LRRIQ3: variants seen among roughly 807,000 people sequenced by gnomAD.
The protein encoded by LRRIQ3 is leucine rich repeats and IQ motif containing 3.
Under a neutral mutation model 59.3 loss-of-function variants are expected in LRRIQ3, and 75 were observed. The observed-to-expected ratio is 1.26, with a 90% CI of 1.05 to 1.53. The LOEUF (loss-of-function observed/expected upper bound fraction) is 1.53, where lower values mean the gene tolerates loss of function less well. LRRIQ3 is among the 40% of genes most tolerant of loss of function. The probability of loss-of-function intolerance (pLI) is 0.00; values close to 1 mark genes in which losing one functional copy is unlikely to be tolerated. For synonymous variants in LRRIQ3, 250 were observed against 231.3 expected, an observed-to-expected ratio of 1.08 and a Z score of -0.73; for missense variants, 831 against 710.0, an observed-to-expected ratio of 1.17 and a Z score of -1.94.
chr1:74,165,518 T>C (rs575418601), intron 3 of LRRIQ3, among the ~76,000 whole-genome samples: 3 of 151,736 alleles, frequency 2.0e-5, no homozygotes, highest in Admixed American at 2.0e-4. Context: ...ACATAGGTGA[T>C]CATTTGATCT....
chr1:74,028,768 A>C (rs1653598660), intron 7 of LRRIQ3, among the ~76,000 whole-genome samples: 1 of 151,958 alleles, frequency 6.6e-6, no homozygotes, highest in Non-Finnish European at 1.5e-5. Context: ...GTAGGAAGTA[A>C]ATAAACTAAC....
At chr1:74,062,837 G>C (rs1054929336) in intron 6 of LRRIQ3, among the ~76,000 whole-genome samples, 3 of 151,994 alleles carry the variant, frequency 2.0e-5, no homozygotes, top group South Asian at 4.1e-4. Flanking sequence ...ACTTGAAGGT[G>C]GTGGGTGTGA....
intron 1 of LRRIQ3, among the ~76,000 whole-genome samples, chr1:74,185,527 T>C (rs1650306054): frequency 6.6e-6 from 1 of 152,218 alleles, no homozygotes; most frequent in East Asian, 1.9e-4. Flanking sequence ...GAGTACTTTG[T>C]ATTACTTCAG....
chr1:74,135,582 C>G (rs1456827752), intron 4 of LRRIQ3, among the ~76,000 whole-genome samples: 1 of 151,656 alleles, frequency 6.6e-6, no homozygotes, highest in Non-Finnish European at 1.5e-5. Flanking sequence ...AAGAAATCAA[C>G]AACAGAAGAA....
intron 5 of LRRIQ3, among the ~76,000 whole-genome samples, chr1:74,092,690 G>T (rs911753832): frequency 1.1e-4 from 16 of 151,986 alleles, no homozygotes; most frequent in Admixed American, 2.6e-4. Context: ...ATAAGAGATG[G>T]AAATAGAATA....
chr1:74,034,800 G>A (rs1653820288), intron 7 of LRRIQ3, among the ~76,000 whole-genome samples: 1 of 113,032 alleles, frequency 8.8e-6, no homozygotes, highest in Admixed American at 8.9e-5. Flanking sequence ...AAAGGCAAAT[G>A]CTTTTTTTTA....
At chr1:74,048,683 A>AT (rs11349176) in intron 6 of LRRIQ3, among the ~76,000 whole-genome samples, 3 of 151,836 alleles carry the variant, frequency 2.0e-5, no homozygotes, top group Non-Finnish European at 2.9e-5. Flanking sequence ...TTTTATGTAA[A>AT]TTTTTTTTCC....
intron 3 of LRRIQ3, among the ~76,000 whole-genome samples, chr1:74,156,140 G>A (rs1208296444): frequency 6.6e-6 from 1 of 152,044 alleles, no homozygotes; most frequent in Non-Finnish European, 1.5e-5. Flanking sequence ...TCCCTTTGAT[G>A]ATGAGTGAAC....
At chr1:74,099,023 A>C (rs542009917) in intron 5 of LRRIQ3, among the ~76,000 whole-genome samples, 16 of 152,294 alleles carry the variant, frequency 1.1e-4, no homozygotes, top group African/African-American at 3.8e-4. Context: ...ACACATTCAA[A>C]AGCTAGCAGA....
chr1:74,123,718 CTT>C (rs1195440422), intron 4 of LRRIQ3, among the ~76,000 whole-genome samples: 1 of 151,932 alleles, frequency 6.6e-6, no homozygotes, highest in African/African-American at 2.4e-5. Flanking sequence ...TTGATGGACA[CTT>C]AGGTTACTTT....
At chr1:74,075,837 A>C (rs990524637) in intron 5 of LRRIQ3, among the ~76,000 whole-genome samples, 14 of 152,146 alleles carry the variant, frequency 9.2e-5, no homozygotes, top group African/African-American at 3.4e-4. Flanking sequence ...TACTATCCTC[A>C]AACTTTTCAC....
intron 3 of LRRIQ3, among the ~76,000 whole-genome samples, chr1:74,161,353 C>G (rs574525180): frequency 6.6e-6 from 1 of 151,836 alleles, no homozygotes; most frequent in Non-Finnish European, 1.5e-5. Context: ...TCATCGTATC[C>G]GACAAAAAGT....
chr1:74,045,557 A>C (rs1224431681), intron 6 of LRRIQ3, among the ~76,000 whole-genome samples: 2 of 152,130 alleles, frequency 1.3e-5, no homozygotes, highest in African/African-American at 4.8e-5. Context: ...GCACAAGACA[A>C]GCTTGCCCTC....
intron 6 of LRRIQ3, among the ~76,000 whole-genome samples, chr1:74,047,274 G>T (rs778635195): frequency 4.6e-5 from 7 of 152,098 alleles, no homozygotes; most frequent in Non-Finnish European, 1.0e-4. Flanking sequence ...AAAAAAGGAT[G>T]AGTTCATATT....
At position 74,155,718 on chromosome 1, in the gene LRRIQ3, G is replaced by GA; in HGVS notation, c.707+14dup. 6.4e-7 allele frequency: 1 copy of GA among 1,554,478 alleles called. No individual in the cohort carries two copies. ...CTTATTTCAATATTCAAATGGTAAAGAAAACAAAACATACCTCAAATTTTT... is the reference window on the plus strand; with the variant it reads ...CTTATTTCAATATTCAAATGGTAAAGAAAAACAAAACATACCTCAAATTTTT... On this transcript the variant is annotated intron_variant, in intron 4 of 7. Coordinates refer to ENST00000354431, the MANE Select transcript of LRRIQ3 (RefSeq NM_001105659.2).
chr1:74,078,945 C>A (rs1479646160), intron 5 of LRRIQ3, among the ~76,000 whole-genome samples: 3 of 151,858 alleles, frequency 2.0e-5, no homozygotes, highest in Admixed American at 2.0e-4. Context: ...TCTTCTGAAA[C>A]CTTATGCCTA....
At chr1:74,130,225 C>T (rs1167831062) in intron 4 of LRRIQ3, among the ~76,000 whole-genome samples, 1 of 152,028 alleles carries the variant, frequency 6.6e-6, no homozygotes, top group East Asian at 1.9e-4. Context: ...TGTAGGCCTC[C>T]CCAGAGCACT....
intron 5 of LRRIQ3, among the ~76,000 whole-genome samples, chr1:74,108,239 A>G (rs1326321456): frequency 6.6e-6 from 1 of 151,818 alleles, no homozygotes; most frequent in Non-Finnish European, 1.5e-5. Context: ...ACTCTGTATA[A>G]AGTATGTAAA....
In LRRIQ3 at chr1:74,112,238, T is replaced by C. The variant is rs78628039; in HGVS notation, c.708-2685A>G. 1.1e-3 allele frequency among the ~76,000 whole-genome samples: 160 copies of C among 152,224 alleles called. 3 individuals carry two copies. The East Asian group carries it at 0.023, about 22-fold the overall frequency. ...AGGATAAATGTAGCCTATATGAACATAGAACCTGAAGTGCTCTCCTCATCC... is the reference window on the plus strand; with the variant it reads ...AGGATAAATGTAGCCTATATGAACACAGAACCTGAAGTGCTCTCCTCATCC... On this transcript the variant is annotated intron_variant, in intron 4 of 7. Transcript: ENST00000354431.
Sources: allele counts gnomAD v4.1 joint callset (sites outside exome capture counted in the v4.1 genomes callset), GRCh38; gene constraint gnomAD v4.1.1; transcripts MANE v1.5; gene names NCBI Gene and HGNC (gene_info 2026-07-23, HGNC 2026-07-21).